The following TRPM3 variants were observed in gnomAD, a reference collection of about 807,000 sequenced individuals.
TRPM3 encodes the protein long transient receptor potential channel 3.
Under a neutral mutation model 181.2 loss-of-function variants are expected in TRPM3, and 77 were observed. The ratio of observed to expected loss-of-function variants is 0.42; its 90% CI spans 0.35 to 0.51. The LOEUF (loss-of-function observed/expected upper bound fraction) is 0.51. TRPM3 is among the 20% of genes least tolerant of loss of function. The pLI is 0.01. For synonymous variants in TRPM3, 745 were observed against 796.4 expected (o/e 0.94, Z 1.09); for missense variants, 1,759 against 2,196.7 (o/e 0.80, Z 3.98).
chr9:70,850,051 G>T (rs890742116), intron 3 of TRPM3, among the ~76,000 whole-genome samples: 2 of 152,154 alleles, frequency 1.3e-5, no homozygotes, highest in African/African-American at 2.4e-5. Context: ...AATCCAAAGT[G>T]TTGGCATCCA....
intron 12 of TRPM3, 22 bp downstream of exon 12, chr9:70,635,189 C>T: frequency 6.2e-7 from 1 of 1,612,128 alleles, no homozygotes; most frequent in South Asian, 1.1e-5. Context: ...GGCCTCCGAC[C>T]TGCAGTCGAG....
chr9:70,800,429 TACTC>T (rs1477045815), intron 6 of TRPM3, among the ~76,000 whole-genome samples: 2 of 152,194 alleles, frequency 1.3e-5, no homozygotes, highest in African/African-American at 4.8e-5. Flanking sequence ...TTGCATATCT[TACTC>T]AATCTGCTCA....
At chr9:71,420,797 A>AAGAGAGAGAAAG (rs1267946876) in intron 1 of TRPM3, among the ~76,000 whole-genome samples, 1 of 7,118 alleles carries the variant, frequency 1.4e-4, no homozygotes, top group African/African-American at 5.8e-4. Flanking sequence ...AAGAGAGAGA[A>AAGAGAGAGAAAG]AGAAAGAGAG....
chr9:70,701,378 CTG>C (rs1386691121), intron 8 of TRPM3, among the ~76,000 whole-genome samples: 3 of 152,118 alleles, frequency 2.0e-5, no homozygotes, highest in Non-Finnish European at 4.4e-5. Flanking sequence ...GTGTGACTAA[CTG>C]TCCTCACCAC....
intron 1 of TRPM3, among the ~76,000 whole-genome samples, chr9:71,413,359 A>G (rs966724070): frequency 2.0e-5 from 3 of 152,120 alleles, no homozygotes; most frequent in African/African-American, 4.8e-5. Flanking sequence ...TATAATATCG[A>G]AAGTGTCTAT....
chr9:71,366,944 G>A (rs1212171858), intron 1 of TRPM3, among the ~76,000 whole-genome samples: 1 of 152,114 alleles, frequency 6.6e-6, no homozygotes, highest in African/African-American at 2.4e-5. Flanking sequence ...GAGCAAATGA[G>A]TATTTAATTT....
At chr9:70,605,612 T>C (rs146644609) in intron 19 of TRPM3, among the ~76,000 whole-genome samples, 177 of 152,362 alleles carry the variant, frequency 1.2e-3, no homozygotes, top group African/African-American at 4.2e-3. Flanking sequence ...TTGGTTCATA[T>C]GGTTTCCGTT....
At chr9:71,020,201 G>A (rs2097833000) in intron 1 of TRPM3, among the ~76,000 whole-genome samples, 1 of 151,746 alleles carries the variant, frequency 6.6e-6, no homozygotes, top group South Asian at 2.1e-4. Context: ...CATTAAAAAT[G>A]TCTGCCTGTA....
intron 1 of TRPM3, among the ~76,000 whole-genome samples, chr9:71,285,440 A>G (rs1477544423): frequency 3.3e-5 from 5 of 152,202 alleles, no homozygotes; most frequent in Non-Finnish European, 7.4e-5. Flanking sequence ...TATAGTCCTC[A>G]GAGTTGAAAA....
intron 1 of TRPM3, among the ~76,000 whole-genome samples, chr9:71,041,920 CCT>C (rs2058871510): frequency 1.3e-5 from 2 of 152,016 alleles, no homozygotes; most frequent in African/African-American, 4.8e-5. Context: ...TATATTGTCC[CCT>C]CTGTATAAAG....
In TRPM3 at chr9:70,532,487, G is replaced by A. The variant is rs1302171243; in HGVS notation, c.*3466C>T. 6.6e-6 allele frequency: 1 copy of A among 152,114 alleles called. No individual in the cohort carries two copies. The highest frequency in any genetic ancestry group is 6.6e-5 in the Admixed American group (1 of 15,264). 9.4% of individuals were successfully genotyped at this position (152,114 alleles called of 1,614,324 possible). On this transcript the variant is annotated 3_prime_UTR_variant, in exon 26 of 26. Transcript: ENST00000677713. ...TATTCTGACTGCTAATACACCTTTT[G>A]GCTTGCAGAGATAATACAAACTAGT... is the stretch of plus-strand genomic sequence containing the variant.
intron 1 of TRPM3, among the ~76,000 whole-genome samples, chr9:70,878,020 A>G (rs1210398354): frequency 5.9e-5 from 9 of 151,998 alleles, no homozygotes; most frequent in Admixed American, 5.9e-4. Context: ...TGACACACTG[A>G]TGTGCACATT....
Position 70,630,810 on chromosome 9 carries a change from G to A in TRPM3, c.1632+4401C>T, listed in dbSNP as rs568854356. ...TACGATTTGACAACTTGAAAATGTTGTCTTCTTTTTTCATGCTATGAACTG... is the reference window on the plus strand; with the variant it reads ...TACGATTTGACAACTTGAAAATGTTATCTTCTTTTTTCATGCTATGAACTG... On this transcript the variant is annotated intron_variant, in intron 12 of 25. Coordinates refer to ENST00000677713, the MANE Select transcript of TRPM3 (RefSeq NM_001366145.2). Among the ~76,000 whole-genome samples the A allele has an allele frequency of 6.0e-4, 92 of 152,290 alleles. 1 individual carries two copies. In the South Asian group the frequency reaches 0.018, roughly 30 times the overall value.
At chr9:70,847,693 G>C (rs1033854102) in intron 3 of TRPM3, among the ~76,000 whole-genome samples, 20 of 151,368 alleles carry the variant, frequency 1.3e-4, no homozygotes, top group African/African-American at 4.6e-4. Context: ...GAAGAAGATG[G>C]CAAGAAAACT....
intron 1 of TRPM3, among the ~76,000 whole-genome samples, chr9:70,877,927 T>C (rs909434274): frequency 6.6e-6 from 1 of 151,994 alleles, no homozygotes; most frequent in Non-Finnish European, 1.5e-5. Context: ...TATATACTAT[T>C]GTACTAGTTG....
In TRPM3 at chr9:71,051,608, G is replaced by C. The variant is rs534668045; in HGVS notation, c.177+69570C>G. The stretch of plus-strand genomic sequence containing the variant: ...AGTGAAAATGGCGGCGGGGTGGGGG[G>C]GTTATATAGTCTTATTGTACATTCC... On this transcript the variant is annotated intron_variant, in intron 1 of 25. Transcript: ENST00000677713. Among the ~76,000 whole-genome samples the C allele has an allele frequency of 9.9e-4, 151 of 152,044 alleles. 1 individual carries two copies. Among genetic ancestry groups the C allele is most frequent in the African/African-American group, 3.3e-3 (138 of 41,484 alleles).
chr9:70,573,933 G>A (rs1395336304), intron 22 of TRPM3, among the ~76,000 whole-genome samples: 2 of 150,794 alleles, frequency 1.3e-5, no homozygotes, highest in East Asian at 3.9e-4. Flanking sequence ...GTAACCCTTG[G>A]ATTGATGCAG....
intron 1 of TRPM3, among the ~76,000 whole-genome samples, chr9:71,273,662 C>T (rs1365071830): frequency 6.6e-6 from 1 of 152,188 alleles, no homozygotes; most frequent in Non-Finnish European, 1.5e-5. Flanking sequence ...CCCCAAAGCG[C>T]CAATTACACT....
At chr9:71,251,954 T>C (rs938573285) in intron 1 of TRPM3, among the ~76,000 whole-genome samples, 1 of 152,190 alleles carries the variant, frequency 6.6e-6, no homozygotes, top group African/African-American at 2.4e-5. Context: ...TAAGAACTTA[T>C]GTTTGTGTTT....
Sources: gnomAD v4.1 joint callset for allele counts (sites outside exome capture counted in the v4.1 genomes callset) on GRCh38, gnomAD v4.1.1 for gene constraint, MANE v1.5 for transcripts, NCBI Gene and HGNC (gene_info 2026-07-23, HGNC 2026-07-21) for gene names.